The following ASPH variants were observed in gnomAD, a reference collection of about 807,000 sequenced individuals.
ASPH encodes aspartyl/asparaginyl beta-hydroxylase.
ASPH carries 100 observed loss-of-function variants against 118.4 expected under a neutral mutation model. The observed-to-expected ratio is 0.84, with a 90% CI of 0.72 to 1.00. The LOEUF (loss-of-function observed/expected upper bound fraction) is 1.00, where lower values mean the gene tolerates loss of function less well. Ranked by LOEUF, ASPH falls within the 50% of genes least tolerant of loss-of-function variation. ASPH has a pLI of 0.00. For missense variants in ASPH, 920 were observed against 919.5 expected (o/e 1.00, Z -0.01); for synonymous variants, 315 against 325.6 (o/e 0.97, Z 0.35).
intron 7 of ASPH, 123 bp from the exon 8 acceptor site, chr8:61,644,124 A>C (rs1405453953): frequency 1.6e-5 from 12 of 766,662 alleles, no homozygotes; most frequent in Non-Finnish European, 2.6e-5. Context: ...AATGATATTC[A>C]AACATGTTCA....
At position 61,685,925 on chromosome 8, in the gene ASPH, C is replaced by T. The variant is rs369679083; in HGVS notation, c.104-1737G>A. ...CTGGGATTACAGGCACCTGCCACCACGCCTGGCTAATTTTTGTATTTTTAG... is the reference window on the plus strand; with the variant it reads ...CTGGGATTACAGGCACCTGCCACCATGCCTGGCTAATTTTTGTATTTTTAG... On this transcript the variant is annotated intron_variant, in intron 1 of 24. Transcript: ENST00000379454. Among the ~76,000 whole-genome samples, 25 of 152,054 alleles carry T rather than the reference C, an allele frequency of 1.6e-4. No homozygotes were observed. In the South Asian group the frequency reaches 4.4e-3, roughly 27 times the overall value.
At chr8:61,700,756 T>C (rs1165719923) in intron 1 of ASPH, among the ~76,000 whole-genome samples, 25 of 152,236 alleles carry the variant, frequency 1.6e-4, no homozygotes, top group Admixed American at 1.6e-3. Flanking sequence ...TCCGCTACAA[T>C]ATTAACATGG....
intron 21 of ASPH, among the ~76,000 whole-genome samples, chr8:61,546,637 T>G (rs1169739035): frequency 1.3e-5 from 2 of 152,238 alleles, no homozygotes; most frequent in Non-Finnish European, 2.9e-5. Flanking sequence ...AATGGCAGCC[T>G]ATTTTACAAT....
intron 16 of ASPH, 104 bp from the exon 17 acceptor site, chr8:61,567,422 A>C: frequency 7.8e-7 from 1 of 1,285,188 alleles, no homozygotes; most frequent in African/African-American, 1.5e-5. Context: ...TTTAAAAGAA[A>C]TGTAAGACAC....
chr8:61,645,880 T>C (rs1409540370), intron 6 of ASPH, among the ~76,000 whole-genome samples: 1 of 152,234 alleles, frequency 6.6e-6, no homozygotes, highest in Non-Finnish European at 1.5e-5. Flanking sequence ...TTCATTTTTA[T>C]GCTTTTAAAA....
Position 61,643,293 on chromosome 8 carries a change from T to C in ASPH, c.757+93A>G, listed in dbSNP as rs1806171106. On this transcript the variant is annotated intron_variant, in intron 9 of 24. Coordinates refer to ENST00000379454, the MANE Select transcript of ASPH (RefSeq NM_004318.4). Reference sequence around the variant, plus strand: ...TTAGATGTCGAAATTACTTCTTTGATGCCTTTAAAAGAAAAATCACCATGT... The same window carrying C: ...TTAGATGTCGAAATTACTTCTTTGACGCCTTTAAAAGAAAAATCACCATGT... The C allele has an allele frequency of 3.2e-6, 4 of 1,256,780 alleles. No individual in the cohort carries two copies. In the Admixed American group the frequency reaches 6.8e-5, roughly 21 times the overall value. 77.9% of individuals were successfully genotyped at this position (1,256,780 alleles called of 1,614,324 possible).
At chr8:61,537,120 T>C (rs1479147203) in intron 21 of ASPH, among the ~76,000 whole-genome samples, 1 of 152,140 alleles carries the variant, frequency 6.6e-6, no homozygotes, top group Non-Finnish European at 1.5e-5. Flanking sequence ...AGAACCATAT[T>C]CCTCATATAT....
At chr8:61,642,529 A>G (rs1476353271) in intron 10 of ASPH, among the ~76,000 whole-genome samples, 2 of 152,222 alleles carry the variant, frequency 1.3e-5, no homozygotes, top group African/African-American at 4.8e-5. Context: ...CTTGTAGTCA[A>G]ACTATAGGTA....
chr8:61,624,588 A>G (rs1252950888), intron 13 of ASPH: 6 of 984,220 alleles, frequency 6.1e-6, no homozygotes, highest in Non-Finnish European at 7.2e-6. Flanking sequence ...AGACATTTAC[A>G]TTATTTTTAG....
chr8:61,654,876 G>A (rs1039396838), intron 3 of ASPH, among the ~76,000 whole-genome samples: 1 of 152,158 alleles, frequency 6.6e-6, no homozygotes, highest in Admixed American at 6.5e-5. Flanking sequence ...ATTATACACA[G>A]GTCCTAATTG....
At chr8:61,588,771 A>T (rs1840227520) in intron 14 of ASPH, among the ~76,000 whole-genome samples, 1 of 152,222 alleles carries the variant, frequency 6.6e-6, no homozygotes, top group African/African-American at 2.4e-5. Flanking sequence ...TTACGGACCC[A>T]AGAAAAATGA....
chr8:61,613,757 A>T (rs982421280), intron 14 of ASPH, among the ~76,000 whole-genome samples: 3 of 152,212 alleles, frequency 2.0e-5, no homozygotes, highest in Admixed American at 2.0e-4. Context: ...GGCCATAAGC[A>T]GGGGCTATAT....
At chr8:61,633,391 G>C (rs1272383044) in intron 13 of ASPH, 1 of 229,036 alleles carries the variant, frequency 4.4e-6, no homozygotes, top group Non-Finnish European at 8.5e-6. Flanking sequence ...CAATCAAAGA[G>C]GAAAACAAAA....
At chr8:61,510,812 C>A (rs1181636029) in intron 24 of ASPH, among the ~76,000 whole-genome samples, 1 of 152,108 alleles carries the variant, frequency 6.6e-6, no homozygotes, top group Non-Finnish European at 1.5e-5. Flanking sequence ...AAAAACTGTC[C>A]TTTTTGTCCT....
intron 3 of ASPH, chr8:61,663,640 G>C (rs1818045199): frequency 1.0e-6 from 1 of 985,304 alleles, no homozygotes; most frequent in South Asian, 4.7e-5. Context: ...TTCTTGTAAT[G>C]TGTAAAAATG....
intron 1 of ASPH, among the ~76,000 whole-genome samples, chr8:61,700,831 T>G (rs549384099): frequency 6.6e-6 from 1 of 152,370 alleles, no homozygotes; most frequent in African/African-American, 2.4e-5. Context: ...TATAATGCAT[T>G]GCAAAGTAAA....
At chr8:61,601,977 T>C (rs1019761149) in intron 14 of ASPH, among the ~76,000 whole-genome samples, 1 of 151,494 alleles carries the variant, frequency 6.6e-6, no homozygotes, top group African/African-American at 2.5e-5. Context: ...ATAAAGCTTA[T>C]GGTTAAAAAC....
intron 12 of ASPH, among the ~76,000 whole-genome samples, chr8:61,636,432 T>C (rs933969804): frequency 6.6e-6 from 1 of 152,286 alleles, no homozygotes; most frequent in African/African-American, 2.4e-5. Context: ...AATCCAAGTA[T>C]ATATTGATAC....
chr8:61,612,550 T>G (rs1343793528), intron 14 of ASPH, among the ~76,000 whole-genome samples: 1 of 151,986 alleles, frequency 6.6e-6, no homozygotes, highest in Non-Finnish European at 1.5e-5. Context: ...TTTTGTATTT[T>G]TAGTAGAGAA....
Sources: gnomAD v4.1 joint callset for allele counts (sites outside exome capture counted in the v4.1 genomes callset) on GRCh38, gnomAD v4.1.1 for gene constraint, MANE v1.5 for transcripts, NCBI Gene and HGNC (gene_info 2026-07-23, HGNC 2026-07-21) for gene names.